MIOS: variants seen among roughly 807,000 people sequenced by gnomAD.
MIOS encodes GATOR2 complex protein MIOS.
A neutral mutation model predicts 96.9 loss-of-function variants in MIOS; 52 were observed. The ratio of observed to expected loss-of-function variants is 0.54; its 90% CI spans 0.43 to 0.68. The LOEUF is 0.68. Ranked by LOEUF, MIOS falls within the 30% of genes least tolerant of loss-of-function variation. MIOS has a pLI of 0.00. For synonymous variants in MIOS, 397 were observed against 359.5 expected, an observed-to-expected ratio of 1.10 and a Z score of -1.18; for missense variants, 1,005 against 1,052.8, an observed-to-expected ratio of 0.95 and a Z score of 0.63.
At chr7:7,598,217 CTG>C (rs1005806970) in intron 11 of MIOS, among the ~76,000 whole-genome samples, 1 of 152,196 alleles carries the variant, frequency 6.6e-6, no homozygotes, top group African/African-American at 2.4e-5. Flanking sequence ...AATTCTAACT[CTG>C]TGACATGCAG....
rs144619411 is a variant in MIOS at position 7,584,434 on chromosome 7, A to G, written c.1648+1062A>G. 3.2e-3 allele frequency among the ~76,000 whole-genome samples: 492 copies of G among 152,286 alleles called. 2 individuals are homozygous for G. Among genetic ancestry groups the G allele is most frequent in the African/African-American group, 0.011 (460 of 41,564 alleles). ...CCCATACTAACAATAGGGAAAATGT[A>G]TCTTTCCAGTGATTTTAAGGACTGA... On this transcript the variant is annotated intron_variant, in intron 6 of 12. Coordinates refer to ENST00000340080, the MANE Select transcript of MIOS (RefSeq NM_019005.4).
chr7:7,596,793 C>A (rs1452429864), intron 11 of MIOS, among the ~76,000 whole-genome samples: 4 of 152,160 alleles, frequency 2.6e-5, no homozygotes, highest in Admixed American at 2.6e-4. Context: ...ATTTAAAAGT[C>A]AGTATACCCG....
intron 9 of MIOS, among the ~76,000 whole-genome samples, chr7:7,593,879 C>CAAAAAAAAAAAA (rs35986278): frequency 2.3e-4 from 11 of 47,808 alleles, no homozygotes; most frequent in South Asian, 8.4e-4. Context: ...ACTCTGTCTC[C>CAAAAAAAAAAAA]AAAAAAAAAA....
At chr7:7,575,426 A>T (rs1008174645) in intron 5 of MIOS, among the ~76,000 whole-genome samples, 2 of 152,132 alleles carry the variant, frequency 1.3e-5, no homozygotes, top group African/African-American at 4.8e-5. Context: ...CACCAAAAAA[A>T]GTAACCTTTA....
At chr7:7,595,747 T>C (rs1367294223) in intron 10 of MIOS, among the ~76,000 whole-genome samples, 1 of 152,208 alleles carries the variant, frequency 6.6e-6, no homozygotes, top group Non-Finnish European at 1.5e-5. Context: ...GTTACTAATC[T>C]ATATGATAAG....
At chr7:7,597,508 AT>A (rs1563041077) in intron 11 of MIOS, among the ~76,000 whole-genome samples, 4,114 of 59,598 alleles carry the variant, frequency 0.069, 857 homozygotes, top group African/African-American at 0.13. Context: ...ATATATATAT[AT>A]ATATATATGA....
At chr7:7,586,514 A>G (rs760418337) in intron 7 of MIOS, among the ~76,000 whole-genome samples, 2 of 152,204 alleles carry the variant, frequency 1.3e-5, no homozygotes, top group Non-Finnish European at 1.5e-5. Flanking sequence ...GCTTCTTTCT[A>G]GCAGTGGGAA....
Position 7,597,496 on chromosome 7 carries a change from AT to A in MIOS, c.2401+1036del, listed in dbSNP as rs1563040943. Among the ~76,000 whole-genome samples, 166 of 67,020 alleles carry A rather than the reference AT, an allele frequency of 2.5e-3. 21 individuals are homozygous for A. Among genetic ancestry groups the A allele is most frequent in the East Asian group, 6.4e-3 (13 of 2,040 alleles). 44.0% of individuals were successfully genotyped at this position (67,020 alleles called of 152,430 possible). On this transcript the variant is annotated intron_variant, in intron 11 of 12. Coordinates refer to ENST00000340080, the MANE Select transcript of MIOS (RefSeq NM_019005.4). ...TATATATATATATATATATATATAT[AT>A]ATATATATATATATATATATGAAGG...
chr7:7,587,361 A>G (rs567008139), intron 7 of MIOS, among the ~76,000 whole-genome samples: 70 of 152,250 alleles, frequency 4.6e-4, no homozygotes, highest in African/African-American at 1.5e-3. Flanking sequence ...GAGTTATTAG[A>G]TAACAGTCAT....
At chr7:7,600,103 A>G (rs749315368) in intron 11 of MIOS, among the ~76,000 whole-genome samples, 1 of 152,138 alleles carries the variant, frequency 6.6e-6, no homozygotes, top group Non-Finnish European at 1.5e-5. Context: ...TCCGTACACC[A>G]AAACCCCCAT....
Position 7,597,475 on chromosome 7 carries a change from T to TATAA in MIOS, c.2401+1017_2401+1018insAATA, listed in dbSNP as rs1203697047. 6.6e-4 allele frequency among the ~76,000 whole-genome samples: 8 copies of TATAA among 12,102 alleles called. 1 individual carries two copies. Among genetic ancestry groups the TATAA allele is most frequent in the East Asian group, 4.1e-3 (2 of 484 alleles). 7.9% of individuals were successfully genotyped at this position (12,102 alleles called of 152,430 possible). A position where few individuals can be genotyped will look rare whatever the true frequency, so the allele number is the denominator to read the frequency against. On this transcript the variant is annotated intron_variant, in intron 11 of 12. Coordinates refer to ENST00000340080, the MANE Select transcript of MIOS (RefSeq NM_019005.4). ...GTCAGTTACCTAGTAAATTTATATA[T>TATAA]ATATATATATATATATATATATATA...
chr7:7,582,916 T>C, intron 5 of MIOS: 1 of 576,950 alleles, frequency 1.7e-6, no homozygotes, highest in Middle Eastern at 5.0e-4. Context: ...TTTCAGTAGT[T>C]CTTTGCTAAC....
intron 5 of MIOS, among the ~76,000 whole-genome samples, chr7:7,580,456 G>A (rs182659681): frequency 1.7e-4 from 26 of 152,202 alleles, no homozygotes; most frequent in Non-Finnish European, 3.1e-4. Flanking sequence ...CAATAGTCAG[G>A]TTAAAAATAC....
At chr7:7,576,389 C>T (rs1414601008) in intron 5 of MIOS, among the ~76,000 whole-genome samples, 1 of 152,102 alleles carries the variant, frequency 6.6e-6, no homozygotes, top group Non-Finnish European at 1.5e-5. Context: ...GACAAGTAAG[C>T]TGGCAGTTAT....
chr7:7,590,922 A>G (rs749225326), intron 9 of MIOS, among the ~76,000 whole-genome samples: 21 of 152,164 alleles, frequency 1.4e-4, no homozygotes, highest in Non-Finnish European at 2.8e-4. Context: ...GTGTGATTTC[A>G]TTTACACATC....
At chr7:7,596,176 ATT>A in intron 10 of MIOS, 79 bp from the exon 11 acceptor site, 1 of 1,210,980 alleles carries the variant, frequency 8.3e-7, no homozygotes, top group Middle Eastern at 2.2e-4. Context: ...TTTAAAAATA[ATT>A]TGTTAGGCGC....
At chr7:7,592,042 A>G (rs543265259) in intron 9 of MIOS, among the ~76,000 whole-genome samples, 4 of 151,434 alleles carry the variant, frequency 2.6e-5, no homozygotes, top group African/African-American at 4.9e-5. Context: ...GTGCAGTGGC[A>G]CAATATTGGC....
intron 5 of MIOS, among the ~76,000 whole-genome samples, chr7:7,580,756 G>A (rs1268458550): frequency 1.4e-5 from 2 of 143,958 alleles, no homozygotes; most frequent in Non-Finnish European, 3.0e-5. Context: ...GTGCGATCTC[G>A]GCTCACTGCA....
At chr7:7,588,682 T>A in intron 8 of MIOS, 119 bp downstream of exon 8, 1 of 526,358 alleles carries the variant, frequency 1.9e-6, no homozygotes, top group Non-Finnish European at 3.0e-6. Context: ...TTCTAAAAAG[T>A]ATGGTAAGAA....
Sources: allele counts gnomAD v4.1 joint callset (sites outside exome capture counted in the v4.1 genomes callset), GRCh38; gene constraint gnomAD v4.1.1; transcripts MANE v1.5; gene names NCBI Gene and HGNC (gene_info 2026-07-23, HGNC 2026-07-21).